Variants in ZAN observed in about 807,000 individuals in gnomAD.
The protein encoded by ZAN is zonadhesin (gene/pseudogene).
A neutral mutation model predicts 286.2 loss-of-function variants in ZAN; 260 were observed. That is an observed-to-expected ratio of 0.91 (90% CI 0.82 to 1.01). The LOEUF (loss-of-function observed/expected upper bound fraction) is 1.01, where lower values mean the gene tolerates loss of function less well. ZAN is among the 50% of genes least tolerant of loss of function. The pLI is 0.00. For missense variants in ZAN, 3,410 were observed against 3,639.2 expected (o/e 0.94, Z 1.62); for synonymous variants, 1,368 against 1,417.5 (o/e 0.97, Z 0.79).
chr7:100,750,559 G>A, intron 11 of ZAN, 66 bp from the exon 12 acceptor site: 1 of 1,552,362 alleles, frequency 6.4e-7, no homozygotes, highest in Non-Finnish European at 8.7e-7. Flanking sequence ...GCAAAGCTTT[G>A]CTAAAGCAGC....
At position 100,742,927 on chromosome 7, in the gene ZAN, T is replaced by C. The variant is rs114086332; in HGVS notation, c.767-3611T>C. 7.5e-4 allele frequency among the ~76,000 whole-genome samples: 72 copies of C among 96,438 alleles called. 1 individual carries two copies. The highest frequency in any genetic ancestry group is 2.5e-3 in the African/African-American group (68 of 27,700). 63.3% of individuals were successfully genotyped at this position (96,438 alleles called of 152,430 possible). On this transcript the variant is annotated intron_variant, in intron 7 of 47. Coordinates refer to ENST00000613979, the MANE Select transcript of ZAN (RefSeq NM_003386.3). ...GATCTGACTTATTTTTTAAGGATTT[T>C]TTTTGTGTTGAGAATCCACTGAGGA... is the stretch of plus-strand genomic sequence containing the variant.
In ZAN at chr7:100,771,742, G is replaced by A; in HGVS notation, c.5249-102G>A. On this transcript the variant is annotated intron_variant, in intron 28 of 47. Transcript: ENST00000613979. Reference sequence around the variant, plus strand: ...CCACTGTGCCTGGCGGGAAAATCCAGGTTTTGACTGAAGTGGATGTCGAAT... The same window carrying A: ...CCACTGTGCCTGGCGGGAAAATCCAAGTTTTGACTGAAGTGGATGTCGAAT... The A allele has an allele frequency of 2.3e-6, 3 of 1,316,190 alleles. No individual in the cohort carries two copies. In the South Asian group the frequency reaches 4.3e-5, roughly 19 times the overall value. 81.5% of individuals were successfully genotyped at this position (1,316,190 alleles called of 1,614,324 possible). A position where few individuals can be genotyped will look rare whatever the true frequency, so the allele number is the denominator to read the frequency against.
At position 100,753,167 on chromosome 7, in the gene ZAN, C is replaced by T. The variant is rs1338768771; in HGVS notation, c.3062C>T (p.Ala1021Val). 1.2e-6 allele frequency: 2 copies of T among 1,613,588 alleles called. No homozygotes were observed. Among genetic ancestry groups the T allele is most frequent in the African/African-American group, 2.7e-5 (2 of 74,926 alleles). Reference protein sequence around the residue: ...GLAALVMSPHAPSTPMTSVIL... With the variant: ...GLAALVMSPHVPSTPMTSVIL... Reference sequence around the variant, plus strand: ...GCAGCCTTGGTGATGTCTCCACATGCTCCAAGTACCCCTATGACCAGTGTG... The same window carrying T: ...GCAGCCTTGGTGATGTCTCCACATGTTCCAAGTACCCCTATGACCAGTGTG... The change falls in exon 14 of 48, where the codon GCT (alanine) becomes GTT (valine). Residue 1021 changes from alanine (A) to valine (V), a missense_variant. Physicochemically the swap from Ala to Val is moderately conservative, Grantham distance 64 (BLOSUM62 0). This residue lies in a region of ZAN where 1,042 missense variants were observed against 1,058.0 expected (regional missense o/e 0.98). Transcript: ENST00000613979.
chr7:100,795,431 GATATGTATTATA>G (rs1168118085), intron 45 of ZAN, 95 bp downstream of exon 45: 1 of 1,184,440 alleles, frequency 8.4e-7, no homozygotes, highest in African/African-American at 1.6e-5. Flanking sequence ...CATATAGAAT[GATATGTATTATA>G]ATATTATGTT....
chr7:100,770,101 A>G (rs139089225), intron 28 of ZAN, 127 bp downstream of exon 28: 271 of 853,094 alleles, frequency 3.2e-4, no homozygotes, highest in Non-Finnish European at 4.5e-4. Context: ...GGCAAATGGG[A>G]ACACAGGGCC....
intron 34 of ZAN, among the ~76,000 whole-genome samples, chr7:100,777,446 C>A (rs753098342): frequency 6.6e-6 from 1 of 152,064 alleles, no homozygotes; most frequent in Non-Finnish European, 1.5e-5. Context: ...CCTCTGCTTC[C>A]GGGGTTCAAG....
Position 100,791,103 on chromosome 7 carries a change from C to G in ZAN, c.7519C>G (p.Arg2507Gly). The change falls in exon 40 of 48, where the codon CGC becomes GGC. Residue 2507 changes from arginine (R) to glycine (G), a missense_variant. This residue lies in a region of ZAN where 1,289 missense variants were observed against 1,314.3 expected (regional missense o/e 0.98). Coordinates refer to ENST00000613979, the MANE Select transcript of ZAN (RefSeq NM_003386.3). ...GGTGAAGACCGAGGACGCACTCCTGCGCTTCCCCAGGTGCACGGCCTGGAA... is the reference window on the plus strand; with the variant it reads ...GGTGAAGACCGAGGACGCACTCCTGGGCTTCCCCAGGTGCACGGCCTGGAA... Reference protein sequence around the residue: ...WEVKTEDALLRFPRAIPAEEE... With the variant: ...WEVKTEDALLGFPRAIPAEEE... 5 of 1,611,436 alleles carry G rather than the reference C, an allele frequency of 3.1e-6. No individual in the cohort carries two copies. The highest frequency in any genetic ancestry group is 4.2e-6 in the Non-Finnish European group (5 of 1,179,410).
chr7:100,773,873 G>T lies in ZAN; in HGVS notation c.5779+8G>T. ...TCCATTGTCGGGCCTCAGGTAGGAGGACCACGGTGATGGGGGGACTCCACA... is the reference window on the plus strand; with the variant it reads ...TCCATTGTCGGGCCTCAGGTAGGAGTACCACGGTGATGGGGGGACTCCACA... On this transcript the variant is annotated splice_region_variant and intron_variant, in intron 31 of 47. Coordinates refer to ENST00000613979, the MANE Select transcript of ZAN (RefSeq NM_003386.3). The T allele has an allele frequency of 1.3e-6, 2 of 1,597,378 alleles. No homozygotes were observed. The highest frequency in any genetic ancestry group is 1.7e-6 in the Non-Finnish European group (2 of 1,171,566).
chr7:100,795,330 A>G lies in ZAN; in HGVS notation c.8260A>G (p.Lys2754Glu). Residue 2754 changes from lysine to glutamate, a missense_variant, in exon 45 of 48, where the codon AAG (lysine) becomes GAG (glutamate). Around this residue, in one of 7 missense-constraint regions of ZAN, gnomAD observed 1,289 missense variants for 1,314.3 expected, o/e 0.98. Transcript: ENST00000613979. ...GCCTCGAGATGCGCCACCTCCCAGA[A>G]AGCCAGGTGAGGGCATCGTCCAAGG... ...MEPRDAPPPR[K>E]PASNLVGVLL... 1 of 1,586,326 alleles carries G rather than the reference A, an allele frequency of 6.3e-7. No individual in the cohort carries two copies. The highest frequency in any genetic ancestry group is 8.6e-7 in the Non-Finnish European group (1 of 1,163,912).
chr7:100,792,341 G>A, intron 41 of ZAN, 64 bp from the exon 42 acceptor site: 2 of 1,536,640 alleles, frequency 1.3e-6, no homozygotes, highest in South Asian at 2.5e-5. Context: ...GCTCTCTTCT[G>A]CAGGGGTGGG....
intron 7 of ZAN, among the ~76,000 whole-genome samples, chr7:100,744,599 A>G (rs1447611181): frequency 6.6e-6 from 1 of 150,966 alleles, no homozygotes; most frequent in African/African-American, 2.4e-5. Flanking sequence ...CTCCATCTCA[A>G]TAAAAATAAA....
At chr7:100,759,928 C>T (rs919734096) in intron 18 of ZAN, 83 bp downstream of exon 18, 19 of 1,508,012 alleles carry the variant, frequency 1.3e-5, no homozygotes, top group African/African-American at 9.7e-5. Flanking sequence ...AACCTTTCCA[C>T]GGATGGGGTT....
intron 35 of ZAN, 87 bp downstream of exon 35, chr7:100,779,837 G>C: frequency 7.4e-7 from 1 of 1,353,350 alleles, no homozygotes; most frequent in Non-Finnish European, 9.9e-7. Context: ...TCTCCTTCCT[G>C]TTCGTTCCTG....
intron 24 of ZAN, 74 bp from the exon 25 acceptor site, chr7:100,766,936 A>G (rs1437319046): frequency 1.9e-6 from 3 of 1,586,898 alleles, no homozygotes; most frequent in Non-Finnish European, 2.6e-6. Flanking sequence ...TGGGCTCTCC[A>G]GGATGGCAGC....
chr7:100,736,727 G>A lies in ZAN; in HGVS notation c.254-82G>A. ...AGAAGGGAGGCAGCCAGACCTGGAT[G>A]CCTGGGCTCTGAGAAGGGGATGGGT... On this transcript the variant is annotated intron_variant, in intron 4 of 47. Transcript: ENST00000613979. 2 of 1,467,808 alleles carry A rather than the reference G, an allele frequency of 1.4e-6. 1 individual carries two copies. Among genetic ancestry groups the A allele is most frequent in the Non-Finnish European group, 1.9e-6 (2 of 1,080,710 alleles). The allele number at this position is 1,467,808 out of a possible 1,614,324, so 90.9% of individuals were successfully genotyped here.
chr7:100,793,806 G>T lies in ZAN; in HGVS notation c.7788-14G>T. 1.9e-6 allele frequency: 3 copies of T among 1,569,136 alleles called. No individual in the cohort carries two copies. The South Asian group carries it at 3.6e-5, about 19-fold the overall frequency. On this transcript the variant is annotated splice_polypyrimidine_tract_variant and intron_variant, in intron 42 of 47. Coordinates refer to ENST00000613979, the MANE Select transcript of ZAN (RefSeq NM_003386.3). ...CCAGCCCCAGCCAGTTTCTGACCAT[G>T]ACTGTCCCCGCAGCCATGGAGTGTC...
At chr7:100,743,277 C>T (rs1384808433) in intron 7 of ZAN, among the ~76,000 whole-genome samples, 2 of 152,032 alleles carry the variant, frequency 1.3e-5, no homozygotes, top group Admixed American at 1.3e-4. Context: ...CCCACTTGGC[C>T]TCCCAAAATG....
chr7:100,768,554 G>C (rs749030529), intron 26 of ZAN, 56 bp from the exon 27 acceptor site: 65 of 1,453,906 alleles, frequency 4.5e-5, no homozygotes, highest in Middle Eastern at 3.5e-4. Context: ...GGTGGCCCTG[G>C]GGCCTGGCCT....
chr7:100,747,281 A>G (rs1382210711), intron 8 of ZAN, among the ~76,000 whole-genome samples: 6 of 140,598 alleles, frequency 4.3e-5, no homozygotes, highest in South Asian at 4.6e-4. Context: ...CAGCTACTCA[A>G]GAGGCTGAGG....
Sources: gnomAD v4.1 joint callset for allele counts (sites outside exome capture counted in the v4.1 genomes callset) on GRCh38, gnomAD v4.1.1 for gene constraint, gnomAD v4.1.1 regional missense constraint, MANE v1.5 for transcripts, NCBI Gene and HGNC (gene_info 2026-07-23, HGNC 2026-07-21) for gene names.